Variants in GUCY1A2 observed in about 807,000 individuals in gnomAD.
The protein encoded by GUCY1A2 is guanylate cyclase 1 soluble subunit alpha 2.
GUCY1A2 carries 27 observed loss-of-function variants against 63.5 expected under a neutral mutation model. That is an observed-to-expected ratio of 0.43 (90% CI 0.31 to 0.59). The LOEUF (loss-of-function observed/expected upper bound fraction) is 0.59. GUCY1A2 is among the 20% of genes least tolerant of loss of function. GUCY1A2 has a pLI of 0.11. For missense variants in GUCY1A2, 768 were observed against 913.3 expected, an observed-to-expected ratio of 0.84 and a Z score of 2.05; for synonymous variants, 364 against 343.5, an observed-to-expected ratio of 1.06 and a Z score of -0.66.
intron 4 of GUCY1A2, among the ~76,000 whole-genome samples, chr11:106,914,518 C>T (rs1860342246): frequency 6.6e-6 from 1 of 151,784 alleles, no homozygotes; most frequent in East Asian, 1.9e-4. Context: ...AAGAATGTCA[C>T]TAGCCATGCT....
chr11:106,943,275 T>C (rs1446277901), intron 3 of GUCY1A2, among the ~76,000 whole-genome samples: 2 of 152,200 alleles, frequency 1.3e-5, no homozygotes, highest in African/African-American at 4.8e-5. Context: ...AACCCCCTAC[T>C]TACAGTAAAT....
chr11:106,699,961 T>G (rs1862790510), intron 7 of GUCY1A2, among the ~76,000 whole-genome samples: 1 of 151,934 alleles, frequency 6.6e-6, no homozygotes, highest in African/African-American at 2.4e-5. Context: ...TCTTTTGTAT[T>G]TTTAGTAGAG....
Position 107,017,914 on chromosome 11 carries a change from G to T in GUCY1A2, c.142C>A (p.Pro48Thr). The T allele has an allele frequency of 7.8e-7, 1 of 1,281,544 alleles. No individual in the cohort carries two copies. The highest frequency in any genetic ancestry group is 9.9e-7 in the Non-Finnish European group (1 of 1,010,438). 79.4% of individuals were successfully genotyped at this position (1,281,544 alleles called of 1,614,324 possible). The change falls in exon 1 of 8, where the codon CCC (proline) becomes ACC (threonine). Residue 48 changes from proline (P) to threonine (T), a missense_variant. By Grantham distance (38) the Pro-to-Thr change is conservative. This residue lies in a region of GUCY1A2 where 496 missense variants were observed against 486.9 expected (regional missense o/e 1.02). Coordinates refer to ENST00000526355, the MANE Select transcript of GUCY1A2 (RefSeq NM_000855.3). ...GCAGCGGCAGCTGCGGCCGGGCTGG[G>T]CTCCAGCGGCCCGGGCGGGCTCCGG... Reference protein sequence around the residue: ...GSRSPPGPLEPSPAAAAAAAA... With the variant: ...GSRSPPGPLETSPAAAAAAAA...
intron 4 of GUCY1A2, among the ~76,000 whole-genome samples, chr11:106,930,663 T>A (rs1860588570): frequency 6.6e-6 from 1 of 152,236 alleles, no homozygotes; most frequent in Non-Finnish European, 1.5e-5. Flanking sequence ...ATGTCTAAGT[T>A]CTGGAACTCA....
chr11:107,004,309 G>A (rs191502983), intron 1 of GUCY1A2, among the ~76,000 whole-genome samples: 11 of 152,272 alleles, frequency 7.2e-5, no homozygotes, highest in Admixed American at 5.9e-4. Flanking sequence ...TCATAGGCAA[G>A]TTACTCAACT....
chr11:106,796,955 T>C (rs1864774130), intron 5 of GUCY1A2, among the ~76,000 whole-genome samples: 2 of 152,136 alleles, frequency 1.3e-5, no homozygotes, highest in South Asian at 2.1e-4. Flanking sequence ...CCCATATTTC[T>C]TGGAGGCTTT....
chr11:106,771,503 T>G (rs1864254015), intron 6 of GUCY1A2, among the ~76,000 whole-genome samples: 1 of 152,100 alleles, frequency 6.6e-6, no homozygotes, highest in Non-Finnish European at 1.5e-5. Context: ...ATCCCAACAT[T>G]TTGGGAGGCT....
intron 6 of GUCY1A2, among the ~76,000 whole-genome samples, chr11:106,733,485 A>G (rs888803761): frequency 3.9e-5 from 6 of 152,252 alleles, no homozygotes; most frequent in African/African-American, 1.4e-4. Flanking sequence ...AGAAAGTCTC[A>G]CCATTTAGTA....
At chr11:107,013,722 GTTATTT>G (rs1037634085) in intron 1 of GUCY1A2, among the ~76,000 whole-genome samples, 14 of 151,996 alleles carry the variant, frequency 9.2e-5, no homozygotes, top group African/African-American at 3.1e-4. Flanking sequence ...TAATTGGAGG[GTTATTT>G]TTATTATTAT....
chr11:106,859,152 T>C (rs1591304673), intron 4 of GUCY1A2, among the ~76,000 whole-genome samples: 1 of 152,024 alleles, frequency 6.6e-6, no homozygotes, highest in East Asian at 1.9e-4. Context: ...AGGGTAAGAG[T>C]GCAGTAATTA....
intron 5 of GUCY1A2, among the ~76,000 whole-genome samples, chr11:106,782,304 G>A (rs1864478830): frequency 6.6e-6 from 1 of 152,128 alleles, no homozygotes; most frequent in Non-Finnish European, 1.5e-5. Flanking sequence ...AGGGTGCTCT[G>A]GTGCCTTAAA....
At chr11:106,987,899 A>T (rs1224088902) in intron 1 of GUCY1A2, among the ~76,000 whole-genome samples, 2 of 152,274 alleles carry the variant, frequency 1.3e-5, no homozygotes, top group South Asian at 2.1e-4. Context: ...TCACCACACA[A>T]ATCTAAGGCC....
chr11:106,885,570 T>C (rs556089687), intron 4 of GUCY1A2, among the ~76,000 whole-genome samples: 2 of 152,306 alleles, frequency 1.3e-5, no homozygotes, highest in South Asian at 4.1e-4. Context: ...TCCATACTAT[T>C]ATTGCCTTCC....
At chr11:106,776,412 C>CTCAAACTG in intron 6 of GUCY1A2, 27 bp downstream of exon 6, 1 of 1,551,178 alleles carries the variant, frequency 6.4e-7, no homozygotes, top group Non-Finnish European at 8.8e-7. Context: ...GCACTTACTA[C>CTCAAACTG]TCAAACTAGA....
intron 7 of GUCY1A2, among the ~76,000 whole-genome samples, chr11:106,692,598 A>T (rs962185729): frequency 6.6e-6 from 1 of 152,140 alleles, no homozygotes; most frequent in African/African-American, 2.4e-5. Context: ...ACTTATTCAT[A>T]CTGAAGTACA....
intron 5 of GUCY1A2, among the ~76,000 whole-genome samples, chr11:106,779,153 G>A (rs1031900238): frequency 6.6e-6 from 1 of 152,058 alleles, no homozygotes; most frequent in Non-Finnish European, 1.5e-5. Context: ...CATTAAAACT[G>A]ATTCAAATAC....
intron 6 of GUCY1A2, among the ~76,000 whole-genome samples, chr11:106,712,451 G>C (rs1863136826): frequency 6.6e-6 from 1 of 152,084 alleles, no homozygotes; most frequent in African/African-American, 2.4e-5. Flanking sequence ...CTAATTCTAA[G>C]ATCTGTTTCA....
chr11:106,792,866 G>C (rs1332433351), intron 5 of GUCY1A2, among the ~76,000 whole-genome samples: 3 of 152,074 alleles, frequency 2.0e-5, no homozygotes, highest in African/African-American at 7.2e-5. Context: ...ATAATATATT[G>C]ATTAAAGAAA....
At chr11:106,809,624 T>A (rs1003965811) in intron 5 of GUCY1A2, among the ~76,000 whole-genome samples, 2 of 152,156 alleles carry the variant, frequency 1.3e-5, no homozygotes, top group African/African-American at 4.8e-5. Context: ...TATTTGTTTT[T>A]AACTGTCAAA....
Sources: gnomAD v4.1 joint callset for allele counts (sites outside exome capture counted in the v4.1 genomes callset) on GRCh38, gnomAD v4.1.1 for gene constraint, gnomAD v4.1.1 regional missense constraint, MANE v1.5 for transcripts, NCBI Gene and HGNC (gene_info 2026-07-23, HGNC 2026-07-21) for gene names.